The following MSRB3 variants were observed in gnomAD, a reference collection of about 807,000 sequenced individuals.
The protein encoded by MSRB3 is methionine-R-sulfoxide reductase B3.
Under a neutral mutation model 21.0 loss-of-function variants are expected in MSRB3, and 13 were observed. That is an observed-to-expected ratio of 0.62 (90% CI 0.40 to 0.98). The LOEUF is 0.98. Ranked by LOEUF, MSRB3 falls within the 50% of genes least tolerant of loss-of-function variation. The pLI, the probability that MSRB3 is intolerant of heterozygous loss-of-function variation, is 0.00. For synonymous variants in MSRB3, 87 were observed against 88.6 expected, an observed-to-expected ratio of 0.98 and a Z score of 0.10; for missense variants, 199 against 230.3, an observed-to-expected ratio of 0.86 and a Z score of 0.88.
intron 1 of MSRB3, chr12:65,282,107 A>G (rs1029125637): frequency 1.3e-5 from 2 of 152,322 alleles, no homozygotes; most frequent in African/African-American, 4.8e-5. Context: ...ACCTGAGGTC[A>G]GGAGTTTGAG....
At chr12:65,361,871 G>T (rs1202487671) in intron 4 of MSRB3, among the ~76,000 whole-genome samples, 1 of 151,998 alleles carries the variant, frequency 6.6e-6, no homozygotes, top group Non-Finnish European at 1.5e-5. Flanking sequence ...TGATTATCCT[G>T]ATTTCTAAAT....
intron 2 of MSRB3, among the ~76,000 whole-genome samples, chr12:65,311,398 A>G (rs1873977446): frequency 6.6e-6 from 1 of 152,146 alleles, no homozygotes; most frequent in African/African-American, 2.4e-5. Context: ...AAGTGTTATG[A>G]AAGTCAGTCT....
At chr12:65,298,664 A>G (rs923578846) in intron 1 of MSRB3, among the ~76,000 whole-genome samples, 1 of 152,180 alleles carries the variant, frequency 6.6e-6, no homozygotes, top group Non-Finnish European at 1.5e-5. Context: ...ATCAGATGCA[A>G]GCCATCATTA....
chr12:65,445,293 C>T (rs578147016), intron 5 of MSRB3, among the ~76,000 whole-genome samples: 32 of 151,946 alleles, frequency 2.1e-4, no homozygotes, highest in African/African-American at 6.8e-4. Flanking sequence ...CTGATATATA[C>T]GTTTCCATGT....
chr12:65,379,847 C>A (rs1184373580), intron 5 of MSRB3, among the ~76,000 whole-genome samples: 5 of 152,094 alleles, frequency 3.3e-5, no homozygotes, highest in African/African-American at 1.2e-4. Context: ...AGTGTGTAGG[C>A]ATTTTTACTT....
At chr12:65,436,406 G>A (rs960175245) in intron 5 of MSRB3, among the ~76,000 whole-genome samples, 22 of 151,364 alleles carry the variant, frequency 1.5e-4, no homozygotes, top group African/African-American at 2.4e-4. Context: ...ACTATATAAC[G>A]CATTTGTTTT....
At chr12:65,327,663 T>C (rs1311085991) in intron 3 of MSRB3, among the ~76,000 whole-genome samples, 1 of 152,224 alleles carries the variant, frequency 6.6e-6, no homozygotes, top group African/African-American at 2.4e-5. Flanking sequence ...AATTTATTAA[T>C]GATGTAACTT....
intron 5 of MSRB3, among the ~76,000 whole-genome samples, chr12:65,426,675 GC>G (rs1273036464): frequency 6.6e-6 from 1 of 152,002 alleles, no homozygotes. Flanking sequence ...AAATCCTATA[GC>G]ATGAATATTT....
At chr12:65,363,329 C>T (rs1007152936) in intron 4 of MSRB3, among the ~76,000 whole-genome samples, 1 of 152,078 alleles carries the variant, frequency 6.6e-6, no homozygotes, top group Admixed American at 6.6e-5. Context: ...CTTCAATACA[C>T]ATAGAATTTT....
intron 5 of MSRB3, among the ~76,000 whole-genome samples, chr12:65,380,108 A>T (rs1247506500): frequency 6.6e-6 from 1 of 152,226 alleles, no homozygotes; most frequent in Non-Finnish European, 1.5e-5. Context: ...ATGGTGATTG[A>T]TTGGGGCAGT....
At chr12:65,289,615 G>C (rs1872567492) in intron 1 of MSRB3, among the ~76,000 whole-genome samples, 1 of 152,156 alleles carries the variant, frequency 6.6e-6, no homozygotes. Flanking sequence ...CATGGGTAAA[G>C]TACATGTCAT....
At chr12:65,460,773 C>A (rs1471350092) in intron 6 of MSRB3, among the ~76,000 whole-genome samples, 1 of 149,084 alleles carries the variant, frequency 6.7e-6, no homozygotes, top group East Asian at 2.0e-4. Context: ...TAGGGACACA[C>A]CTAGAATCAG....
At chr12:65,418,767 G>T in intron 5 of MSRB3, 1 of 947,140 alleles carries the variant, frequency 1.1e-6, no homozygotes, top group Non-Finnish European at 1.7e-6. Flanking sequence ...ACACCACTTT[G>T]CCATCCACTG....
intron 5 of MSRB3, among the ~76,000 whole-genome samples, chr12:65,400,589 G>GT (rs1348146839): frequency 2.0e-5 from 3 of 151,966 alleles, no homozygotes; most frequent in African/African-American, 4.8e-5. Context: ...TTTTTGAAGG[G>GT]TTTTTTGTGT....
intron 5 of MSRB3, among the ~76,000 whole-genome samples, chr12:65,450,857 C>T (rs890518579): frequency 5.9e-5 from 9 of 152,184 alleles, no homozygotes; most frequent in Admixed American, 3.3e-4. Flanking sequence ...TCTTTAAATA[C>T]TTTCACATGA....
At chr12:65,316,970 G>A (rs762721375) in intron 2 of MSRB3, among the ~76,000 whole-genome samples, 10 of 152,008 alleles carry the variant, frequency 6.6e-5, no homozygotes, top group Non-Finnish European at 1.3e-4. Flanking sequence ...GGTGGATTGT[G>A]GGCACATGGG....
intron 4 of MSRB3, among the ~76,000 whole-genome samples, chr12:65,367,462 G>A (rs1206804916): frequency 6.6e-6 from 1 of 152,238 alleles, no homozygotes; most frequent in Non-Finnish European, 1.5e-5. Context: ...ATACAGTTAA[G>A]AAGGAGAAAG....
At chr12:65,335,481 G>A (rs1875704425) in intron 4 of MSRB3, among the ~76,000 whole-genome samples, 1 of 152,094 alleles carries the variant, frequency 6.6e-6, no homozygotes, top group Non-Finnish European at 1.5e-5. Flanking sequence ...AAGAACATAA[G>A]CCCTTTCACT....
At chr12:65,314,471 T>G (rs569460700) in intron 2 of MSRB3, among the ~76,000 whole-genome samples, 37 of 152,220 alleles carry the variant, frequency 2.4e-4, no homozygotes, top group African/African-American at 7.7e-4. Flanking sequence ...TAAAACAAAC[T>G]GTTTTAGTAG....
Sources: gnomAD v4.1 joint callset for allele counts (sites outside exome capture counted in the v4.1 genomes callset) on GRCh38, gnomAD v4.1.1 for gene constraint, MANE v1.5 for transcripts, NCBI Gene and HGNC (gene_info 2026-07-23, HGNC 2026-07-21) for gene names.